Variants in TCAF1 observed in about 807,000 individuals in gnomAD.
The protein encoded by TCAF1 is TRPM8 channel-associated factor 1.
TCAF1 carries 4 observed loss-of-function variants against 27.3 expected under a neutral mutation model. That is an observed-to-expected ratio of 0.15 (90% CI 0.07 to 0.34). TCAF1 has a LOEUF of 0.34. TCAF1 is among the 10% of genes least tolerant of loss of function. The probability of loss-of-function intolerance (pLI) is 1.00; values close to 1 mark genes in which losing one functional copy is unlikely to be tolerated. For synonymous variants in TCAF1, 105 were observed against 167.1 expected, an observed-to-expected ratio of 0.63 and a Z score of 2.87; for missense variants, 257 against 425.8, an observed-to-expected ratio of 0.60 and a Z score of 3.49.
Position 143,852,671 on chromosome 7 carries a change from G to GTT in TCAF1, c.*1461_*1462insAA, listed in dbSNP as rs1312598761. On this transcript the variant is annotated 3_prime_UTR_variant, in exon 9 of 9. Coordinates refer to ENST00000479870, the MANE Select transcript of TCAF1 (RefSeq NM_014719.3). Reference sequence around the variant, plus strand: ...GTTGCTGATGACAAATCTGTTAGCAGTCTATTTCTCATCCATTTTTGTGTT... The same window carrying GTT: ...GTTGCTGATGACAAATCTGTTAGCAGTTTCTATTTCTCATCCATTTTTGTGTT... 1 of 152,382 alleles carries GTT rather than the reference G, an allele frequency of 6.6e-6. No homozygotes were observed. The highest frequency in any genetic ancestry group is 2.4e-5 in the African/African-American group (1 of 41,442). 9.4% of individuals were successfully genotyped at this position (152,382 alleles called of 1,614,324 possible).
At chr7:143,881,844 C>G (rs985951069) in intron 1 of TCAF1, 8 of 152,198 alleles carry the variant, frequency 5.3e-5, no homozygotes, top group Admixed American at 6.5e-5. Flanking sequence ...TATTCTCTCA[C>G]TTCTCTCCTA....
chr7:143,859,888 T>TAATATATATTATGG (rs1464318136), intron 6 of TCAF1, among the ~76,000 whole-genome samples: 5,696 of 63,834 alleles, frequency 0.089, 581 homozygotes, highest in Non-Finnish European at 0.11. Flanking sequence ...TACATATATA[T>TAATATATATTATGG]AATATATATT....
At chr7:143,868,961 G>T in intron 2 of TCAF1, among the ~76,000 whole-genome samples, 1 of 69,222 alleles carries the variant, frequency 1.4e-5, no homozygotes, top group Non-Finnish European at 3.0e-5. Flanking sequence ...TCAATATTTT[G>T]TATGTGTATT....
intron 1 of TCAF1, among the ~76,000 whole-genome samples, chr7:143,891,722 G>A (rs1470603504): frequency 1.3e-5 from 2 of 152,068 alleles, no homozygotes; most frequent in African/African-American, 4.8e-5. Context: ...CAAGCAAAAT[G>A]TTATCAATTA....
chr7:143,886,328 TC>T (rs1052037404), intron 1 of TCAF1, among the ~76,000 whole-genome samples: 1 of 152,126 alleles, frequency 6.6e-6, no homozygotes, highest in Non-Finnish European at 1.5e-5. Context: ...CAAAGCTTTC[TC>T]CCTTACTACA....
chr7:143,890,643 G>A (rs1028567625), intron 1 of TCAF1, among the ~76,000 whole-genome samples: 7 of 152,122 alleles, frequency 4.6e-5, no homozygotes, highest in Middle Eastern at 3.2e-3. Context: ...TTGTATATTC[G>A]CTATTGCTTT....
At chr7:143,885,746 G>A (rs2116833060) in intron 1 of TCAF1, among the ~76,000 whole-genome samples, 1 of 151,544 alleles carries the variant, frequency 6.6e-6, no homozygotes, top group South Asian at 2.1e-4. Flanking sequence ...GTTCCATTTT[G>A]TGTAAAAAAA....
intron 1 of TCAF1, among the ~76,000 whole-genome samples, chr7:143,893,962 TG>T (rs968572547): frequency 1.1e-4 from 16 of 151,866 alleles, no homozygotes; most frequent in African/African-American, 3.4e-4. Flanking sequence ...AACCAAAAGT[TG>T]GTTTTAATGA....
intron 1 of TCAF1, among the ~76,000 whole-genome samples, chr7:143,894,352 A>G (rs2116861798): frequency 6.6e-6 from 1 of 151,966 alleles, no homozygotes; most frequent in South Asian, 2.1e-4. Flanking sequence ...AACTCTTCCC[A>G]ACTCATTTTT....
Position 143,875,886 on chromosome 7 carries a change from T to G in TCAF1, c.620+103A>C, listed in dbSNP as rs1586766450. On this transcript the variant is annotated intron_variant, in intron 2 of 8. Transcript: ENST00000479870. ...GATATGTAGTGATTCCATATCTGAG[T>G]GCCTGGGAGCACTCTTCTGTTAGCC... 22 of 1,021,546 alleles carry G rather than the reference T, an allele frequency of 2.2e-5. 1 individual carries two copies. In the East Asian group the frequency reaches 5.3e-4, roughly 25 times the overall value. 63.3% of individuals were successfully genotyped at this position (1,021,546 alleles called of 1,614,324 possible).
chr7:143,885,678 C>T (rs1017024859), intron 1 of TCAF1: 46 of 389,576 alleles, frequency 1.2e-4, no homozygotes, highest in Non-Finnish European at 1.5e-4. Context: ...TTATATATTG[C>T]CTCTATCTAT....
chr7:143,901,149 T>G (rs1041171819), intron 1 of TCAF1, among the ~76,000 whole-genome samples: 2 of 152,176 alleles, frequency 1.3e-5, no homozygotes, highest in African/African-American at 4.8e-5. Context: ...TTTTAGACCA[T>G]TCTGAGATAT....
intron 1 of TCAF1, among the ~76,000 whole-genome samples, chr7:143,897,769 G>A (rs1813955280): frequency 6.6e-6 from 1 of 152,000 alleles, no homozygotes; most frequent in South Asian, 2.1e-4. Flanking sequence ...AAACACAGAT[G>A]ATTTTACAGG....
At chr7:143,893,479 G>GCGTGT (rs1354059802) in intron 1 of TCAF1, among the ~76,000 whole-genome samples, 1 of 152,050 alleles carries the variant, frequency 6.6e-6, no homozygotes, top group Non-Finnish European at 1.5e-5. Flanking sequence ...GATTTTTAGT[G>GCGTGT]CGTGTCAAAC....
At chr7:143,887,364 C>G (rs573185261) in intron 1 of TCAF1, among the ~76,000 whole-genome samples, 1 of 151,922 alleles carries the variant, frequency 6.6e-6, no homozygotes, top group Admixed American at 6.5e-5. Context: ...CTACTTTTTG[C>G]AGGGAAAAAA....
At chr7:143,877,536 C>A (rs1358659967) in intron 1 of TCAF1, among the ~76,000 whole-genome samples, 2 of 152,234 alleles carry the variant, frequency 1.3e-5, no homozygotes. Context: ...GCAATTACTG[C>A]AGCATCCTAA....
intron 1 of TCAF1, chr7:143,882,865 G>A (rs965759082): frequency 4.2e-5 from 41 of 985,566 alleles, no homozygotes; most frequent in Admixed American, 1.2e-4. Flanking sequence ...GAGCGGGGAG[G>A]AGGCTGGAGC....
rs1586746138 is a variant in TCAF1, at chr7:143,860,034, T to A, written c.2167+174A>T. 2.8e-5 allele frequency among the ~76,000 whole-genome samples: 2 copies of A among 71,436 alleles called. 1 individual carries two copies. The highest frequency in any genetic ancestry group is 5.1e-5 in the Non-Finnish European group (2 of 39,436). The allele number at this position is 71,436 out of a possible 152,430, so 46.9% of individuals were successfully genotyped here. On this transcript the variant is annotated intron_variant, in intron 6 of 8. Coordinates refer to ENST00000479870, the MANE Select transcript of TCAF1 (RefSeq NM_014719.3). ...TATAATATATATTATATATTATATATATAATATATAATATATATTATATAT... is the reference window on the plus strand; with the variant it reads ...TATAATATATATTATATATTATATAAATAATATATAATATATATTATATAT...
chr7:143,876,783 C>T (rs536711517), intron 1 of TCAF1, among the ~76,000 whole-genome samples, 161 bp from the exon 2 acceptor site: 2 of 152,178 alleles, frequency 1.3e-5, no homozygotes, highest in Non-Finnish European at 2.9e-5. Flanking sequence ...GTCTGAAGTC[C>T]AGGAGACCCC....
Sources: gnomAD v4.1 joint callset for allele counts (sites outside exome capture counted in the v4.1 genomes callset) on GRCh38, gnomAD v4.1.1 for gene constraint, MANE v1.5 for transcripts, NCBI Gene and HGNC (gene_info 2026-07-23, HGNC 2026-07-21) for gene names.